Variants in ADGRG6 observed in about 807,000 individuals in gnomAD.
The protein encoded by ADGRG6 is G-protein coupled receptor 126.
In ADGRG6, 84 loss-of-function variants were observed where a neutral mutation model predicts 142.4. That is an observed-to-expected ratio of 0.59 (90% CI 0.49 to 0.71). The LOEUF (loss-of-function observed/expected upper bound fraction) is 0.71. Ranked by LOEUF, ADGRG6 falls within the 30% of genes least tolerant of loss-of-function variation. ADGRG6 has a pLI of 0.00. For missense variants in ADGRG6, 1,367 were observed against 1,466.6 expected (o/e 0.93, Z 1.11); for synonymous variants, 521 against 520.5 (o/e 1.00, Z -0.01).
chr6:142,394,126 A>G (rs1775049438), intron 9 of ADGRG6, among the ~76,000 whole-genome samples, 168 bp downstream of exon 9: 2 of 152,222 alleles, frequency 1.3e-5, no homozygotes, highest in African/African-American at 4.8e-5. Context: ...TAAAACTGTA[A>G]TGTAACAGAC....
chr6:142,401,953 CAG>C (rs755259660), intron 11 of ADGRG6, 39 bp from the exon 12 acceptor site: 2 of 875,096 alleles, frequency 2.3e-6, no homozygotes, highest in South Asian at 3.0e-5. Context: ...AAAATAATAC[CAG>C]TTATATCAAA....
chr6:142,440,455 C>T (rs1396484099), intron 24 of ADGRG6, among the ~76,000 whole-genome samples: 1 of 152,004 alleles, frequency 6.6e-6, no homozygotes, highest in East Asian at 1.9e-4. Context: ...CACCACCACA[C>T]TTGTCTAATT....
intron 2 of ADGRG6, among the ~76,000 whole-genome samples, chr6:142,358,204 C>G (rs1041938516): frequency 9.2e-5 from 14 of 152,214 alleles, no homozygotes; most frequent in Non-Finnish European, 1.5e-5. Context: ...CCCTGCAATG[C>G]TGCCTAGGTA....
At chr6:142,349,489 G>T (rs2114765157) in intron 2 of ADGRG6, among the ~76,000 whole-genome samples, 1 of 152,322 alleles carries the variant, frequency 6.6e-6, no homozygotes, top group Non-Finnish European at 1.5e-5. Context: ...ACCTGGGAAG[G>T]AGTCATAACT....
At chr6:142,395,469 G>T (rs1262791499) in intron 9 of ADGRG6, among the ~76,000 whole-genome samples, 1 of 152,120 alleles carries the variant, frequency 6.6e-6, no homozygotes, top group Non-Finnish European at 1.5e-5. Context: ...GCTTTTTAGT[G>T]TACTTACTGT....
At position 142,315,652 on chromosome 6, in the gene ADGRG6, GA is replaced by G. The variant is rs1218949490; in HGVS notation, c.103+6011del. 6.0e-4 allele frequency among the ~76,000 whole-genome samples: 91 copies of G among 152,028 alleles called. 2 individuals carry two copies. Among genetic ancestry groups the G allele is most frequent in the Non-Finnish European group, 4.4e-5 (3 of 67,980 alleles). On this transcript the variant is annotated intron_variant, in intron 2 of 24. Coordinates refer to ENST00000367609, the MANE Select transcript of ADGRG6 (RefSeq NM_198569.3). ...TTGAGACCAGCCTGGCCAACATGGT[GA>G]AACCCCGACTCTACTAAAAATCCAA...
At chr6:142,393,715 A>G (rs184524879) in intron 8 of ADGRG6, among the ~76,000 whole-genome samples, 181 bp from the exon 9 acceptor site, 7 of 152,306 alleles carry the variant, frequency 4.6e-5, no homozygotes, top group African/African-American at 1.7e-4. Context: ...GTGAATCTTC[A>G]AAACAGAGCA....
At chr6:142,382,182 A>G (rs181434569) in intron 5 of ADGRG6, among the ~76,000 whole-genome samples, 163 bp downstream of exon 5, 3 of 152,220 alleles carry the variant, frequency 2.0e-5, no homozygotes, top group Non-Finnish European at 2.9e-5. Context: ...GTGGGTGCAC[A>G]GTACGTACGG....
chr6:142,326,042 G>A (rs996975183), intron 2 of ADGRG6, among the ~76,000 whole-genome samples: 1 of 151,890 alleles, frequency 6.6e-6, no homozygotes, highest in Admixed American at 6.6e-5. Flanking sequence ...TAGAAATACA[G>A]GTAGGTTTAG....
At chr6:142,307,290 G>A (rs1777547452) in intron 1 of ADGRG6, among the ~76,000 whole-genome samples, 1 of 152,012 alleles carries the variant, frequency 6.6e-6, no homozygotes, top group Non-Finnish European at 1.5e-5. Flanking sequence ...TATCTGTAAG[G>A]GTGACAGCCA....
At chr6:142,367,193 C>G (rs1419709840) in intron 2 of ADGRG6, among the ~76,000 whole-genome samples, 1 of 152,146 alleles carries the variant, frequency 6.6e-6, no homozygotes, top group Admixed American at 6.6e-5. Context: ...AGATTCTTAA[C>G]CTGGGTCAGT....
intron 2 of ADGRG6, among the ~76,000 whole-genome samples, chr6:142,343,916 T>C (rs1779776562): frequency 6.6e-6 from 1 of 151,958 alleles, no homozygotes. Context: ...AGTATCTAAT[T>C]TGGTATATTT....
At chr6:142,344,004 T>C (rs1006531960) in intron 2 of ADGRG6, among the ~76,000 whole-genome samples, 21 of 151,984 alleles carry the variant, frequency 1.4e-4, no homozygotes, top group Non-Finnish European at 2.5e-4. Context: ...GTATGAAATA[T>C]CTTTCTGTTG....
At chr6:142,308,272 TAGG>T (rs1363966824) in intron 1 of ADGRG6, among the ~76,000 whole-genome samples, 20 of 151,932 alleles carry the variant, frequency 1.3e-4, no homozygotes, top group Admixed American at 1.2e-3. Context: ...AGGTAAGAAA[TAGG>T]AGGCACAAGG....
chr6:142,347,050 TA>T (rs540621044), intron 2 of ADGRG6, among the ~76,000 whole-genome samples: 312 of 151,948 alleles, frequency 2.1e-3, no homozygotes, highest in African/African-American at 7.2e-3. Context: ...TTTAGTCAAG[TA>T]AAAAAAAGAT....
chr6:142,405,869 G>T (rs1775779032), intron 15 of ADGRG6, 41 bp downstream of exon 15: 3 of 1,453,878 alleles, frequency 2.1e-6, no homozygotes, highest in Non-Finnish European at 2.8e-6. Context: ...AACTGCAAAT[G>T]AAGTTTCTTT....
chr6:142,377,446 G>A (rs1781557079), intron 4 of ADGRG6, among the ~76,000 whole-genome samples: 1 of 152,192 alleles, frequency 6.6e-6, no homozygotes, highest in African/African-American at 2.4e-5. Context: ...CTCAGGCAAG[G>A]CCTGGGCAGG....
At chr6:142,341,756 G>A (rs1398018561) in intron 2 of ADGRG6, among the ~76,000 whole-genome samples, 1 of 147,098 alleles carries the variant, frequency 6.8e-6, no homozygotes, top group Non-Finnish European at 1.5e-5. Flanking sequence ...ACTTGGACAA[G>A]TTGCACCCCA....
chr6:142,410,917 G>A (rs1776048432), intron 17 of ADGRG6, among the ~76,000 whole-genome samples: 1 of 151,098 alleles, frequency 6.6e-6, no homozygotes, highest in African/African-American at 2.5e-5. Flanking sequence ...AACCTTCTTT[G>A]TTCTTATGTC....
Sources: allele counts gnomAD v4.1 joint callset (sites outside exome capture counted in the v4.1 genomes callset), GRCh38; gene constraint gnomAD v4.1.1; transcripts MANE v1.5; gene names NCBI Gene and HGNC (gene_info 2026-07-23, HGNC 2026-07-21).